Variants in PLIN1 observed in about 807,000 individuals in gnomAD.
The protein encoded by PLIN1 is perilipin-1.
In PLIN1, 37 loss-of-function variants were observed where a neutral mutation model predicts 45.8. The ratio of observed to expected loss-of-function variants is 0.81; its 90% confidence interval spans 0.62 to 1.06. The LOEUF (loss-of-function observed/expected upper bound fraction) is 1.06, where lower values mean the gene tolerates loss of function less well. PLIN1 is among the 50% of genes least tolerant of loss of function. The probability of loss-of-function intolerance (pLI) is 0.00; values close to 1 mark genes in which losing one functional copy is unlikely to be tolerated. For synonymous variants in PLIN1, 340 were observed against 309.2 expected, an observed-to-expected ratio of 1.10 and a Z score of -1.05; for missense variants, 776 against 716.5, an observed-to-expected ratio of 1.08 and a Z score of -0.95.
At position 89,673,402 on chromosome 15, in the gene PLIN1, C is replaced by T; in HGVS notation, c.58G>A (p.Val20Met). ...LDGDLPEQEN[V>M]LQRVLQLPVV... is the part of the protein sequence containing the mutation. ...GGCAGCTGCAGGACCCGCTGCAGCA[C>T]ATTCTCCTGCTCCTGGTGCGGAAGG... The change falls in exon 3 of 9, where the codon GTG (valine) becomes ATG (methionine). Residue 20 changes from valine to methionine, a missense_variant. Physicochemically the swap from Val to Met is conservative, Grantham distance 21 (BLOSUM62 1). Coordinates refer to ENST00000300055, the MANE Select transcript of PLIN1 (RefSeq NM_002666.5). The T allele has an allele frequency of 1.3e-6, 2 of 1,599,642 alleles. No individual in the cohort carries two copies. Among genetic ancestry groups the T allele is most frequent in the Non-Finnish European group, 1.7e-6 (2 of 1,172,858 alleles).
At chr15:89,671,697 C>G in intron 3 of PLIN1, 133 bp from the exon 4 acceptor site, 2 of 751,590 alleles carry the variant, frequency 2.7e-6, no homozygotes, top group Non-Finnish European at 2.4e-6. Flanking sequence ...TCTCTGGGCC[C>G]CAGGCCCTTT....
intron 1 of PLIN1, chr15:89,677,704 T>C (rs1163520583): frequency 3.8e-5 from 24 of 628,552 alleles, no homozygotes; most frequent in Middle Eastern, 4.0e-4. Flanking sequence ...AGTTGCTCCA[T>C]AGCTTACTTG....
chr15:89,670,615 G>A (rs1413135060), intron 4 of PLIN1, among the ~76,000 whole-genome samples: 1 of 152,202 alleles, frequency 6.6e-6, no homozygotes, highest in African/African-American at 2.4e-5. Context: ...ATTTATAGGT[G>A]TGCTTGATCT....
chr15:89,666,910 A>G, intron 8 of PLIN1, 26 bp downstream of exon 8: 13 of 1,613,250 alleles, frequency 8.1e-6, no homozygotes, highest in Non-Finnish European at 1.1e-5. Flanking sequence ...TTGGGACACT[A>G]ACAGTTTGCC....
intron 1 of PLIN1, chr15:89,677,917 GT>G (rs760024030): frequency 5.4e-3 from 801 of 148,884 alleles, no homozygotes; most frequent in South Asian, 0.019. Flanking sequence ...CGCCCGGCTA[GT>G]TTTTTTTTTT....
chr15:89,676,235 G>GT lies in PLIN1; in HGVS notation c.45+1209dup, dbSNP rs796344388. Among the ~76,000 whole-genome samples the GT allele has an allele frequency of 8.1e-3, 1,220 of 151,096 alleles. 14 individuals are homozygous for GT. Among genetic ancestry groups the GT allele is most frequent in the African/African-American group, 0.028 (1,147 of 41,074 alleles). On this transcript the variant is annotated intron_variant, in intron 2 of 8. Transcript: ENST00000300055. Reference sequence around the variant, plus strand: ...AGACAGAGCAGCCCACAATATCTTAGTTTTTTTTTGTTGTTTGTTTGTTTG... The same window carrying GT: ...AGACAGAGCAGCCCACAATATCTTAGTTTTTTTTTTGTTGTTTGTTTGTTTG...
chr15:89,667,131 G>A lies in PLIN1; in HGVS notation c.1014C>T (p.Thr338=), dbSNP rs1304551444. The A allele has an allele frequency of 1.9e-6, 3 of 1,613,402 alleles. No individual in the cohort carries two copies. The highest frequency in any genetic ancestry group is 2.5e-6 in the Non-Finnish European group (3 of 1,179,480). Residue 338 remains threonine, a synonymous_variant, in exon 8 of 9, where the codon ACC becomes ACT. Coordinates refer to ENST00000300055, the MANE Select transcript of PLIN1 (RefSeq NM_002666.5). ...TGGTGGTCTGGAGGGTCTTCTGCAG[G>A]GTATGTGCCACACCACCCAGGAGGC... ...PRGLLGGVAH[T]LQKTLQTTIS... is the part of the protein sequence containing the mutation.
At chr15:89,667,352 C>G (rs1964364793) in intron 7 of PLIN1, among the ~76,000 whole-genome samples, 171 bp from the exon 8 acceptor site, 1 of 152,242 alleles carries the variant, frequency 6.6e-6, no homozygotes, top group Non-Finnish European at 1.5e-5. Flanking sequence ...CTCTCTGAAC[C>G]TCTGTTTCTT....
chr15:89,677,780 T>G, intron 1 of PLIN1: 1 of 420,192 alleles, frequency 2.4e-6, no homozygotes. Context: ...AGATGGATTC[T>G]TGCTCTGTTG....
intron 5 of PLIN1, 74 bp from the exon 6 acceptor site, chr15:89,669,746 G>T (rs1964408058): frequency 1.5e-6 from 2 of 1,367,194 alleles, no homozygotes; most frequent in Non-Finnish European, 2.0e-6. Flanking sequence ...TCATGTCTAG[G>T]ACTGGAAAGT....
chr15:89,667,110 G>T lies in PLIN1; in HGVS notation c.1035C>A (p.Thr345=), dbSNP rs2141526217. ...VAHTLQKTLQ[T]TISAVTWAPA... ...GTGCCCATGTCACAGCCGAGATGGTGGTCTGGAGGGTCTTCTGCAGGGTAT... is the reference window on the plus strand; with the variant it reads ...GTGCCCATGTCACAGCCGAGATGGTTGTCTGGAGGGTCTTCTGCAGGGTAT... The change falls in exon 8 of 9, where the codon ACC becomes ACA. Residue 345 remains threonine (T), a synonymous_variant. Coordinates refer to ENST00000300055, the MANE Select transcript of PLIN1 (RefSeq NM_002666.5). 1 of 1,614,034 alleles carries T rather than the reference G, an allele frequency of 6.2e-7. No homozygotes were observed. Among genetic ancestry groups the T allele is most frequent in the Non-Finnish European group, 8.5e-7 (1 of 1,179,988 alleles).
At chr15:89,676,999 CT>C (rs1964528789) in intron 2 of PLIN1, 1 of 197,072 alleles carries the variant, frequency 5.1e-6, no homozygotes. Context: ...ATATCCCACC[CT>C]TCCCCCCACA....
Position 89,673,209 on chromosome 15 carries a change from C to T in PLIN1, c.250+1G>A. On this transcript the variant is annotated splice_donor_variant, in intron 3 of 8. Transcript: ENST00000300055. LOFTEE classifies it high-confidence loss of function. Reference sequence around the variant, plus strand: ...AGCTGCTGAGCGCCGCAAGGACTCACACTGGGTGGACAGCCTGCGGACCAC... The same window carrying T: ...AGCTGCTGAGCGCCGCAAGGACTCATACTGGGTGGACAGCCTGCGGACCAC... 1 of 1,560,882 alleles carries T rather than the reference C, an allele frequency of 6.4e-7. No individual in the cohort carries two copies. The highest frequency in any genetic ancestry group is 8.7e-7 in the Non-Finnish European group (1 of 1,152,168).
chr15:89,670,234 T>G lies in PLIN1; in HGVS notation c.344A>C (p.Glu115Ala), dbSNP rs1394952028. The change falls in exon 5 of 9, where the codon GAG (glutamate) becomes GCG (alanine). Residue 115 changes from glutamate (E) to alanine (A), a missense_variant. By Grantham distance (107) the Glu-to-Ala change is moderately radical. Coordinates refer to ENST00000300055, the MANE Select transcript of PLIN1 (RefSeq NM_002666.5). The stretch of plus-strand genomic sequence containing the variant: ...GCGGGTGGAGATGGTGTCCTTCAGC[T>G]CAGAAGCAATCTGGGGGAAGTTGGT... The part of the protein sequence containing the change: ...LQYPPEKIAS[E>A]LKDTISTRLR... 6.2e-7 allele frequency: 1 copy of G among 1,611,154 alleles called. No individual in the cohort carries two copies. The highest frequency in any genetic ancestry group is 1.3e-5 in the African/African-American group (1 of 74,870).
intron 2 of PLIN1, 79 bp downstream of exon 2, chr15:89,677,366 C>T: frequency 9.0e-7 from 1 of 1,113,506 alleles, no homozygotes; most frequent in Non-Finnish European, 1.4e-6. Flanking sequence ...TGCTCTAAGT[C>T]CCCTGCATCT....
chr15:89,676,872 C>T (rs764054376), intron 2 of PLIN1: 2 of 158,620 alleles, frequency 1.3e-5, no homozygotes, highest in Non-Finnish European at 2.8e-5. Context: ...TTTCACTATC[C>T]GAACTGTGCC....
At chr15:89,668,602 C>T (rs1430676192) in intron 6 of PLIN1, among the ~76,000 whole-genome samples, 1 of 152,190 alleles carries the variant, frequency 6.6e-6, no homozygotes, top group East Asian at 1.9e-4. Flanking sequence ...CTCTAGGGAG[C>T]CCCACAAACA....
Position 89,673,337 on chromosome 15 carries a change from G to A in PLIN1, c.123C>T (p.Tyr41=). The change falls in exon 3 of 9, where the codon TAC becomes TAT. Residue 41 remains tyrosine, a synonymous_variant. Transcript: ENST00000300055. The stretch of plus-strand genomic sequence containing the variant: ...GGGGGTGGGCTTCCTTAGTGCTGGT[G>A]TAGGTCTTCTGGAAGCATTCGCAGG... ...SGTCECFQKT[Y]TSTKEAHPLV... is the part of the protein sequence containing the mutation. 1 of 1,600,000 alleles carries A rather than the reference G, an allele frequency of 6.3e-7. No individual in the cohort carries two copies. The highest frequency in any genetic ancestry group is 8.5e-7 in the Non-Finnish European group (1 of 1,172,870).
chr15:89,665,543 GA>G lies in PLIN1; in HGVS notation c.*39del. 1 of 1,519,122 alleles carries G rather than the reference GA, an allele frequency of 6.6e-7. No individual in the cohort carries two copies. 94.1% of individuals were successfully genotyped at this position (1,519,122 alleles called of 1,614,324 possible). A position where few individuals can be genotyped will look rare whatever the true frequency, so the allele number is the denominator to read the frequency against. On this transcript the variant is annotated 3_prime_UTR_variant, in exon 9 of 9. Coordinates refer to ENST00000300055, the MANE Select transcript of PLIN1 (RefSeq NM_002666.5). The stretch of plus-strand genomic sequence containing the variant: ...GTGCGGGTTCTGTTTATTTGTTAGA[GA>G]AACCCGCCGGCCCGGGGCGCGGCGG...
Sources: gnomAD v4.1 joint callset for allele counts (sites outside exome capture counted in the v4.1 genomes callset) on GRCh38, gnomAD v4.1.1 for gene constraint, MANE v1.5 for transcripts, NCBI Gene and HGNC (gene_info 2026-07-23, HGNC 2026-07-21) for gene names.